The following CIB4 variants were observed in gnomAD, a reference collection of about 807,000 sequenced individuals.
The protein encoded by CIB4 is calcium and integrin binding family member 4, also known as calcium and integrin-binding family member 4.
A neutral mutation model predicts 25.8 loss-of-function variants in CIB4; 25 were observed. The observed-to-expected ratio is 0.97, with a 90% CI of 0.71 to 1.35. The LOEUF is 1.35. Among genes scored for constraint, CIB4 ranks in the 40% most tolerant of loss-of-function variants. CIB4 has a pLI of 0.00. For missense variants in CIB4, 235 were observed against 228.2 expected, an observed-to-expected ratio of 1.03 and a Z score of -0.19; for synonymous variants, 75 against 81.4, an observed-to-expected ratio of 0.92 and a Z score of 0.42.
At chr2:26,622,849 G>A (rs533112466) in intron 3 of CIB4, among the ~76,000 whole-genome samples, 15 of 152,228 alleles carry the variant, frequency 9.9e-5, no homozygotes, top group Admixed American at 8.5e-4. Flanking sequence ...CAGGCATGGC[G>A]GCACGCGCCT....
chr2:26,604,545 T>C (rs572457364), intron 3 of CIB4, among the ~76,000 whole-genome samples: 11 of 152,206 alleles, frequency 7.2e-5, no homozygotes, highest in African/African-American at 2.6e-4. Context: ...GAAAAAAGTC[T>C]CTTATTCTAC....
At chr2:26,603,021 G>A (rs1312932200) in intron 3 of CIB4, among the ~76,000 whole-genome samples, 1 of 142,636 alleles carries the variant, frequency 7.0e-6, no homozygotes, top group Non-Finnish European at 1.5e-5. Context: ...CTCCACTGTG[G>A]CATGGGCGAT....
At chr2:26,625,187 C>T (rs139681299) in intron 3 of CIB4, among the ~76,000 whole-genome samples, 26 of 152,126 alleles carry the variant, frequency 1.7e-4, no homozygotes, top group South Asian at 2.1e-4. Flanking sequence ...TTTTTGAGAC[C>T]GAAGGATGCT....
intron 3 of CIB4, among the ~76,000 whole-genome samples, chr2:26,618,027 T>C (rs1247153435): frequency 6.6e-6 from 1 of 152,114 alleles, no homozygotes; most frequent in Non-Finnish European, 1.5e-5. Context: ...CCTCAGTTTC[T>C]CCATCTATGA....
At chr2:26,601,603 C>T (rs550850632) in intron 3 of CIB4, among the ~76,000 whole-genome samples, 1 of 151,732 alleles carries the variant, frequency 6.6e-6, no homozygotes, top group African/African-American at 2.4e-5. Context: ...TTCATAATCT[C>T]GGGGGCAAAG....
At chr2:26,639,441 T>A (rs1174745995) in intron 2 of CIB4, among the ~76,000 whole-genome samples, 1 of 149,474 alleles carries the variant, frequency 6.7e-6, no homozygotes, top group Non-Finnish European at 1.5e-5. Context: ...CTGAGAACCA[T>A]TATTTGAATT....
At chr2:26,636,655 A>C (rs1353922662) in intron 2 of CIB4, among the ~76,000 whole-genome samples, 1 of 152,144 alleles carries the variant, frequency 6.6e-6, no homozygotes, top group South Asian at 2.1e-4. Context: ...AATGAAGCAC[A>C]TCTCCCAAAA....
intron 3 of CIB4, among the ~76,000 whole-genome samples, chr2:26,619,106 G>A (rs1669152582): frequency 6.6e-6 from 1 of 152,244 alleles, no homozygotes; most frequent in Non-Finnish European, 1.5e-5. Context: ...CTTATGGGGT[G>A]ATGGATGAGA....
chr2:26,601,967 AG>A (rs559765794), intron 3 of CIB4, among the ~76,000 whole-genome samples: 7 of 152,348 alleles, frequency 4.6e-5, no homozygotes, highest in African/African-American at 1.7e-4. Flanking sequence ...CATAGCTGTC[AG>A]TGGTTGTGGG....
At chr2:26,611,609 A>T (rs982965990) in intron 3 of CIB4, among the ~76,000 whole-genome samples, 1 of 152,234 alleles carries the variant, frequency 6.6e-6, no homozygotes, top group African/African-American at 2.4e-5. Context: ...ATCCATCTAA[A>T]ACCTCCAAGG....
intron 3 of CIB4, among the ~76,000 whole-genome samples, chr2:26,624,581 C>A (rs1291403785): frequency 6.6e-6 from 1 of 151,856 alleles, no homozygotes; most frequent in African/African-American, 2.4e-5. Flanking sequence ...ATTAATATTT[C>A]TTTAAAATAA....
chr2:26,594,283 T>C (rs140717165), intron 4 of CIB4, among the ~76,000 whole-genome samples: 16 of 152,344 alleles, frequency 1.1e-4, no homozygotes, highest in African/African-American at 3.8e-4. Context: ...TCATGTGTGC[T>C]TACCAAATGC....
chr2:26,597,349 G>A (rs11677789), intron 3 of CIB4, among the ~76,000 whole-genome samples: 16,484 of 151,730 alleles, frequency 0.11, 985 homozygotes, highest in Middle Eastern at 0.17. Flanking sequence ...GGTGAATGGG[G>A]TTGAAAATGA....
At chr2:26,583,122 C>T (rs1668383372) in intron 5 of CIB4, among the ~76,000 whole-genome samples, 1 of 152,148 alleles carries the variant, frequency 6.6e-6, no homozygotes, top group South Asian at 2.1e-4. Context: ...ACTCCTGGGG[C>T]CTCCAGCACG....
intron 3 of CIB4, among the ~76,000 whole-genome samples, chr2:26,596,034 G>T (rs1344764438): frequency 6.6e-6 from 1 of 152,196 alleles, no homozygotes; most frequent in African/African-American, 2.4e-5. Context: ...AAGATGCAGA[G>T]AAAATATTGC....
chr2:26,640,447 G>A, intron 2 of CIB4, 86 bp downstream of exon 2: 3 of 1,414,622 alleles, frequency 2.1e-6, no homozygotes, highest in South Asian at 1.3e-5. Flanking sequence ...CCACACTCAG[G>A]GACCAGCGTG....
chr2:26,619,251 C>A (rs930783011), intron 3 of CIB4, among the ~76,000 whole-genome samples: 1 of 152,080 alleles, frequency 6.6e-6, no homozygotes, highest in Non-Finnish European at 1.5e-5. Flanking sequence ...GGGCCCTCCC[C>A]GGGGGGTGAG....
chr2:26,601,231 A>AAAAAAAAAATAT (rs1395827334), intron 3 of CIB4, among the ~76,000 whole-genome samples: 61 of 17,174 alleles, frequency 3.6e-3, no homozygotes, highest in African/African-American at 8.9e-3. Context: ...AAAAAAAAAA[A>AAAAAAAAAATAT]ATATATATAT....
At chr2:26,587,157 T>C (rs1668473032) in intron 4 of CIB4, among the ~76,000 whole-genome samples, 2 of 151,698 alleles carry the variant, frequency 1.3e-5, no homozygotes, top group African/African-American at 4.8e-5. Context: ...ATACAAAAAA[T>C]TAGCCGGGCG....
Sources: allele counts gnomAD v4.1 joint callset (sites outside exome capture counted in the v4.1 genomes callset), GRCh38; gene constraint gnomAD v4.1.1; transcripts MANE v1.5; gene names NCBI Gene and HGNC (gene_info 2026-07-23, HGNC 2026-07-21).